CENPP: variants seen among roughly 807,000 people sequenced by gnomAD.
CENPP encodes centromere protein P.
Under a neutral mutation model 35.6 loss-of-function variants are expected in CENPP, and 24 were observed. The observed-to-expected ratio is 0.67, with a 90% confidence interval of 0.49 to 0.95. The LOEUF is 0.95. Among genes scored for constraint, CENPP ranks in the 40% least tolerant of loss-of-function variants. The probability of loss-of-function intolerance (pLI) is 0.00; values close to 1 mark genes in which losing one functional copy is unlikely to be tolerated. For synonymous variants in CENPP, 120 were observed against 125.5 expected, an observed-to-expected ratio of 0.96 and a Z score of 0.29; for missense variants, 332 against 345.3, an observed-to-expected ratio of 0.96 and a Z score of 0.31.
At chr9:92,434,329 C>T (rs1223558542) in intron 5 of CENPP, among the ~76,000 whole-genome samples, 1 of 148,334 alleles carries the variant, frequency 6.7e-6, no homozygotes, top group Non-Finnish European at 1.5e-5. Flanking sequence ...ACCAAGGTTG[C>T]AGTGAGCCAA....
At chr9:92,441,308 G>A (rs1353490546) in intron 5 of CENPP, among the ~76,000 whole-genome samples, 1 of 152,132 alleles carries the variant, frequency 6.6e-6, no homozygotes, top group Non-Finnish European at 1.5e-5. Context: ...AGGAAATGCA[G>A]ACAGAGGAAT....
chr9:92,587,478 A>G lies in CENPP; in HGVS notation c.565-23836A>G, dbSNP rs555555613. Among the ~76,000 whole-genome samples, 74 of 151,684 alleles carry G rather than the reference A, an allele frequency of 4.9e-4. 1 individual carries two copies. Among genetic ancestry groups the G allele is most frequent in the Admixed American group, 4.1e-3 (63 of 15,224 alleles). On this transcript the variant is annotated intron_variant, in intron 5 of 7. Transcript: ENST00000375587. The stretch of plus-strand genomic sequence containing the variant: ...GAGCGAAATTGCCATCTCAAAAAAA[A>G]GGGGGGGGACCAATCAAATTGTGGT...
At chr9:92,502,469 G>A in intron 5 of CENPP, 1 of 1,598,068 alleles carries the variant, frequency 6.3e-7, no homozygotes, top group Non-Finnish European at 8.6e-7. Context: ...AATAGCGAGA[G>A]GAAGAAATAG....
At chr9:92,428,245 A>C (rs1844018326) in intron 5 of CENPP, among the ~76,000 whole-genome samples, 3 of 152,110 alleles carry the variant, frequency 2.0e-5, no homozygotes, top group Admixed American at 2.0e-4. Context: ...CCCCCATGCC[A>C]ACCCTGACCA....
chr9:92,505,889 G>A (rs1202127624), intron 5 of CENPP, among the ~76,000 whole-genome samples: 1 of 152,074 alleles, frequency 6.6e-6, no homozygotes, highest in African/African-American at 2.4e-5. Flanking sequence ...AGAACTAAAT[G>A]CATGGTCCAG....
chr9:92,414,135 G>A (rs1450293394), intron 5 of CENPP: 2 of 167,936 alleles, frequency 1.2e-5, no homozygotes, highest in Non-Finnish European at 2.6e-5. Flanking sequence ...ATACATTAAC[G>A]AAAAAGTGAT....
intron 5 of CENPP, among the ~76,000 whole-genome samples, chr9:92,554,810 G>A (rs763075656): frequency 6.6e-6 from 1 of 151,204 alleles, no homozygotes; most frequent in African/African-American, 2.4e-5. Flanking sequence ...GCTTATTTTT[G>A]GTTTTTTAGT....
chr9:92,516,150 G>A (rs1051741788), intron 5 of CENPP, among the ~76,000 whole-genome samples: 23 of 150,276 alleles, frequency 1.5e-4, no homozygotes, highest in African/African-American at 5.4e-4. Context: ...TGCACCCTCC[G>A]CCTCCCGGGT....
intron 5 of CENPP, chr9:92,517,973 C>G (rs1847828834): frequency 7.3e-7 from 1 of 1,377,486 alleles, no homozygotes; most frequent in Non-Finnish European, 1.0e-6. Flanking sequence ...GCTCTAACCA[C>G]ACAAGAATAG....
chr9:92,526,252 AAAAT>A (rs1393819016), intron 5 of CENPP, among the ~76,000 whole-genome samples: 1 of 152,230 alleles, frequency 6.6e-6, no homozygotes, highest in Non-Finnish European at 1.5e-5. Context: ...GAAAAGTTAA[AAAAT>A]AAAAATAGAA....
intron 1 of CENPP, 96 bp downstream of exon 1, chr9:92,326,201 G>T: frequency 2.5e-6 from 2 of 793,104 alleles, no homozygotes; most frequent in East Asian, 5.7e-5. Flanking sequence ...CCTACTCCCA[G>T]CCCTAGAAAG....
chr9:92,338,782 G>A (rs1462800110), intron 3 of CENPP, among the ~76,000 whole-genome samples: 1 of 152,078 alleles, frequency 6.6e-6, no homozygotes, highest in Non-Finnish European at 1.5e-5. Context: ...ATGAGGTTGT[G>A]GTCATCTGGG....
chr9:92,437,058 C>T (rs1383154025), intron 5 of CENPP, among the ~76,000 whole-genome samples: 1 of 151,942 alleles, frequency 6.6e-6, no homozygotes, highest in Non-Finnish European at 1.5e-5. Context: ...AAAAATTAGC[C>T]GGGCATGGTG....
intron 5 of CENPP, among the ~76,000 whole-genome samples, chr9:92,468,157 A>C (rs1412208829): frequency 4.6e-5 from 7 of 152,182 alleles, no homozygotes; most frequent in Admixed American, 2.6e-4. Context: ...ATCCAAGTCT[A>C]GTGCACTGGG....
At chr9:92,381,888 T>C (rs1317116865) in intron 5 of CENPP, among the ~76,000 whole-genome samples, 2 of 143,794 alleles carry the variant, frequency 1.4e-5, no homozygotes, top group African/African-American at 5.6e-5. Context: ...TAATACTTGT[T>C]ATTTTCTGCT....
intron 4 of CENPP, among the ~76,000 whole-genome samples, chr9:92,371,105 C>T (rs1841995589): frequency 7.0e-6 from 1 of 142,890 alleles, no homozygotes; most frequent in African/African-American, 2.4e-5. Context: ...TTTTGACTAT[C>T]TATTTCATTT....
At chr9:92,547,581 G>T (rs1207772565) in intron 5 of CENPP, among the ~76,000 whole-genome samples, 2 of 152,204 alleles carry the variant, frequency 1.3e-5, no homozygotes, top group Non-Finnish European at 2.9e-5. Flanking sequence ...CATATTGAAT[G>T]ATTTCATTCG....
At chr9:92,594,401 C>T (rs535849702) in intron 5 of CENPP, among the ~76,000 whole-genome samples, 7 of 152,216 alleles carry the variant, frequency 4.6e-5, no homozygotes, top group East Asian at 3.9e-4. Context: ...TGGTACAGCA[C>T]GGCGTGTCTG....
chr9:92,507,245 T>G (rs1196628413), intron 5 of CENPP, among the ~76,000 whole-genome samples: 2 of 152,160 alleles, frequency 1.3e-5, no homozygotes, highest in African/African-American at 2.4e-5. Context: ...GCCAGTAAAT[T>G]GGGATAAGTG....
Sources: gnomAD v4.1 joint callset for allele counts (sites outside exome capture counted in the v4.1 genomes callset) on GRCh38, gnomAD v4.1.1 for gene constraint, MANE v1.5 for transcripts, NCBI Gene and HGNC (gene_info 2026-07-23, HGNC 2026-07-21) for gene names.